Variants in GRIP2 observed in about 807,000 individuals in gnomAD.
The protein encoded by GRIP2 is glutamate receptor-interacting protein 2.
In GRIP2, 58 loss-of-function variants were observed where a neutral mutation model predicts 108.3. The observed-to-expected ratio is 0.54, with a 90% CI of 0.43 to 0.67. The LOEUF (loss-of-function observed/expected upper bound fraction) is 0.67, where lower values mean the gene tolerates loss of function less well. GRIP2 is among the 30% of genes least tolerant of loss of function. The pLI is 0.00. For synonymous variants in GRIP2, 586 were observed against 598.2 expected (o/e 0.98, Z 0.30); for missense variants, 1,278 against 1,430.6 (o/e 0.89, Z 1.72).
At chr3:14,562,805 G>T in the GRIP2 span, among the ~76,000 whole-genome samples, 1 of 152,176 alleles carries the variant, frequency 6.6e-6, no homozygotes, top group African/African-American at 2.4e-5. Context: ...GTGGCATTAC[G>T]TGCGCCAGAT....
In GRIP2 at chr3:14,505,898, T is replaced by G; in HGVS notation, c.2399-109A>C. ...CCCTGGGGAGGTCGTTGCTCCTCTC[T>G]GGGCCTGCATCTACACAGCCCTCTG... On this transcript the variant is annotated intron_variant, in intron 19 of 23. Transcript: ENST00000621039. This position sits in a 1 kb window ranked among gnomAD's most constrained non-coding sequence, Gnocchi z 4.2. 1.0e-6 allele frequency: 1 copy of G among 1,002,744 alleles called. No individual in the cohort carries two copies. The highest frequency in any genetic ancestry group is 1.4e-6 in the Non-Finnish European group (1 of 713,936). 62.1% of individuals were successfully genotyped at this position (1,002,744 alleles called of 1,614,324 possible). A position where few individuals can be genotyped will look rare whatever the true frequency, so the allele number is the denominator to read the frequency against.
the GRIP2 span, among the ~76,000 whole-genome samples, chr3:14,598,297 T>C: frequency 6.6e-6 from 1 of 150,710 alleles, no homozygotes; most frequent in Non-Finnish European, 1.5e-5. Flanking sequence ...TCCCGTTGTC[T>C]CCTAGGTAAC....
At chr3:14,523,203 A>T (rs780138919) in intron 5 of GRIP2, 128 bp from the exon 6 acceptor site, 59 of 703,930 alleles carry the variant, frequency 8.4e-5, no homozygotes, top group Admixed American at 4.7e-4. Flanking sequence ...CTATCCATGG[A>T]CCCTCTTATG....
the GRIP2 span, chr3:14,602,179 C>T: frequency 6.6e-6 from 1 of 152,172 alleles, no homozygotes; most frequent in African/African-American, 2.4e-5. This position sits in a 1 kb window ranked among gnomAD's most constrained non-coding sequence, Gnocchi z 4.7. Context: ...AGCACCAAAT[C>T]CAAACTTTTC....
intron 1 of GRIP2, among the ~76,000 whole-genome samples, chr3:14,552,500 G>C (rs115427540): frequency 6.6e-6 from 1 of 152,138 alleles, no homozygotes; most frequent in Non-Finnish European, 1.5e-5. Context: ...CTTGACGTCT[G>C]TCGATTCTGC....
chr3:14,524,496 G>A lies in GRIP2; in HGVS notation c.300C>T (p.Asn100=), dbSNP rs374769391. 128 of 1,563,046 alleles carry A rather than the reference G, an allele frequency of 8.2e-5. No individual in the cohort carries two copies. Among genetic ancestry groups the A allele is most frequent in the Non-Finnish European group, 4.9e-5 (57 of 1,153,452 alleles). ...GGCGGAGCCTGGTCAGGTGGATCCC[G>A]TTCACAGACCGAATATAGTCACCAA... The part of the protein sequence containing the change: ...LNIGDYIRSV[N]GIHLTRLRHD... The change falls in exon 4 of 24, where the codon AAC becomes AAT. Residue 100 remains asparagine (N), a synonymous_variant. Coordinates refer to ENST00000621039, the MANE Select transcript of GRIP2 (RefSeq NM_001080423.4).
At chr3:14,519,759 T>G (rs2062662047) in intron 9 of GRIP2, among the ~76,000 whole-genome samples, 3 of 152,238 alleles carry the variant, frequency 2.0e-5, no homozygotes, top group Non-Finnish European at 2.9e-5. Context: ...CCTCTGGATC[T>G]GCTGAGAGTC....
intron 1 of GRIP2, among the ~76,000 whole-genome samples, chr3:14,533,516 G>A (rs1350717726): frequency 6.6e-6 from 1 of 152,216 alleles, no homozygotes; most frequent in East Asian, 1.9e-4. Context: ...ATGTGGAGCT[G>A]TGAGCCCTAA....
At chr3:14,577,092 A>T in the GRIP2 span, among the ~76,000 whole-genome samples, 1 of 152,192 alleles carries the variant, frequency 6.6e-6, no homozygotes, top group African/African-American at 2.4e-5. Context: ...CTTCGGCTCC[A>T]ATTCTCTCCC....
intron 5 of GRIP2, 53 bp downstream of exon 5, chr3:14,523,558 TA>T: frequency 9.1e-7 from 1 of 1,104,086 alleles, no homozygotes; most frequent in Non-Finnish European, 1.4e-6. Flanking sequence ...CACATGGAAT[TA>T]GTATTAGCCT....
At chr3:14,581,671 A>G in the GRIP2 span, among the ~76,000 whole-genome samples, 1 of 152,242 alleles carries the variant, frequency 6.6e-6, no homozygotes, top group Non-Finnish European at 1.5e-5. Context: ...AACAGCCCAG[A>G]GAAAGAGAGA....
chr3:14,504,037 A>T (rs1267682613), intron 20 of GRIP2: 1 of 264,790 alleles, frequency 3.8e-6, no homozygotes, highest in Admixed American at 5.1e-5. Flanking sequence ...CCCTGGCCCC[A>T]CCCAGACACA....
chr3:14,520,275 C>T lies in GRIP2; in HGVS notation c.865G>A (p.Gly289Arg), dbSNP rs1375130319. Residue 289 changes from glycine to arginine, a missense_variant, in exon 9 of 24, where the codon GGA becomes AGA. Transcript: ENST00000621039. ...IKPASVVDRSGALHPGDHILS... is the reference protein window; with the variant it reads ...IKPASVVDRSRALHPGDHILS... ...ATGTGGTCTCCAGGGTGCAGGGCTCCGCTCCTGGCCAGGCAGGGGAGTGAA... is the reference window on the plus strand; with the variant it reads ...ATGTGGTCTCCAGGGTGCAGGGCTCTGCTCCTGGCCAGGCAGGGGAGTGAA... The T allele has an allele frequency of 5.6e-6, 9 of 1,613,076 alleles. No homozygotes were observed. The highest frequency in any genetic ancestry group is 2.2e-5 in the East Asian group (1 of 44,878).
chr3:14,524,671 G>T, intron 3 of GRIP2, 133 bp from the exon 4 acceptor site: 1 of 1,027,530 alleles, frequency 9.7e-7, no homozygotes, highest in Non-Finnish European at 1.4e-6. Context: ...CTGAGGCTTA[G>T]AGAGGTCAGA....
At chr3:14,508,333 C>T (rs1207104357) in intron 17 of GRIP2, among the ~76,000 whole-genome samples, 1 of 152,214 alleles carries the variant, frequency 6.6e-6, no homozygotes, top group Non-Finnish European at 1.5e-5. Flanking sequence ...AATGCAGGTG[C>T]CTGGGCCCCA....
the GRIP2 span, among the ~76,000 whole-genome samples, chr3:14,586,227 T>TC: frequency 6.6e-6 from 1 of 152,188 alleles, no homozygotes; most frequent in Non-Finnish European, 1.5e-5. Context: ...CTATCATTCA[T>TC]CCCCTTGCCC....
intron 9 of GRIP2, 38 bp from the exon 10 acceptor site, chr3:14,517,935 C>CAGCCTCG: frequency 1.3e-6 from 2 of 1,498,910 alleles, no homozygotes; most frequent in Non-Finnish European, 1.8e-6. Context: ...GAGGTGCAGG[C>CAGCCTCG]GTTAGTGGCT....
At chr3:14,519,162 C>T (rs891958034) in intron 9 of GRIP2, among the ~76,000 whole-genome samples, 3 of 152,170 alleles carry the variant, frequency 2.0e-5, no homozygotes, top group African/African-American at 7.2e-5. Flanking sequence ...CTAATGTCAC[C>T]CAGACCAGTC....
At chr3:14,600,818 C>T in the GRIP2 span, among the ~76,000 whole-genome samples, 13 of 152,258 alleles carry the variant, frequency 8.5e-5, no homozygotes, top group East Asian at 3.9e-4. Flanking sequence ...TGATTTAGTG[C>T]GGAGCTCAAG....
Sources: gnomAD v4.1 joint callset for allele counts (sites outside exome capture counted in the v4.1 genomes callset) on GRCh38, gnomAD v4.1.1 for gene constraint, Gnocchi (gnomAD v3.1) non-coding constraint, MANE v1.5 for transcripts, NCBI Gene and HGNC (gene_info 2026-07-23, HGNC 2026-07-21) for gene names.